The following TPST2 variants were observed in gnomAD, a reference collection of about 807,000 sequenced individuals.
TPST2 encodes protein-tyrosine sulfotransferase 2.
In TPST2, 16 loss-of-function variants were observed where a neutral mutation model predicts 27.8. The ratio of observed to expected loss-of-function variants is 0.58; its 90% CI spans 0.39 to 0.88. TPST2 has a LOEUF of 0.88. Ranked by LOEUF, TPST2 falls within the 40% of genes least tolerant of loss-of-function variation. The pLI is 0.00. For missense variants in TPST2, 464 were observed against 543.1 expected (o/e 0.85, Z 1.45); for synonymous variants, 229 against 231.7 (o/e 0.99, Z 0.10).
At chr22:26,579,154 C>T (rs1268785937) in intron 1 of TPST2, among the ~76,000 whole-genome samples, 1 of 152,172 alleles carries the variant, frequency 6.6e-6, no homozygotes, top group Non-Finnish European at 1.5e-5. Flanking sequence ...CTGTGCCCAG[C>T]CTGGAGGCAA....
chr22:26,541,475 C>T lies in TPST2; in HGVS notation c.156G>A (p.Leu52=), dbSNP rs1039574174. 6.2e-7 allele frequency: 1 copy of T among 1,611,012 alleles called. No individual in the cohort carries two copies. The highest frequency in any genetic ancestry group is 8.5e-7 in the Non-Finnish European group (1 of 1,178,460). ...RGAMRPEQEE[L]VMVGTNHVEY... is the part of the protein sequence containing the mutation. ...CCACGTGGTTGGTGCCCACCATCAC[C>T]AGCTCCTCCTGCTCAGGCCGCATGG... Residue 52 remains leucine (L), a synonymous_variant, in exon 3 of 7, where the codon CTG becomes CTA. Transcript: ENST00000338754. The surrounding 1 kb of genome is among the most constrained non-coding windows in gnomAD (Gnocchi z 5.9).
intron 1 of TPST2, among the ~76,000 whole-genome samples, chr22:26,575,240 C>T (rs918112651): frequency 3.9e-5 from 6 of 152,180 alleles, no homozygotes; most frequent in African/African-American, 1.4e-4. Flanking sequence ...GAGTACCTGA[C>T]ACACACTAGG....
intron 1 of TPST2, among the ~76,000 whole-genome samples, chr22:26,556,540 C>T (rs957411037): frequency 4.6e-5 from 7 of 151,222 alleles, no homozygotes; most frequent in Non-Finnish European, 1.0e-4. Context: ...AACTCCATCT[C>T]AAAAAAAAAG....
chr22:26,531,153 C>A (rs984608615), intron 5 of TPST2, among the ~76,000 whole-genome samples: 1 of 152,200 alleles, frequency 6.6e-6, no homozygotes, highest in African/African-American at 2.4e-5. Context: ...CATACCCCCA[C>A]GCTCAGGAGG....
At chr22:26,548,016 A>G (rs1316281665) in intron 1 of TPST2, among the ~76,000 whole-genome samples, 1 of 152,210 alleles carries the variant, frequency 6.6e-6, no homozygotes, top group East Asian at 1.9e-4. Context: ...TGCACCAGCT[A>G]CTGGCTGAAG....
intron 5 of TPST2, among the ~76,000 whole-genome samples, chr22:26,531,371 T>C (rs531124090): frequency 6.6e-6 from 1 of 152,156 alleles, no homozygotes; most frequent in East Asian, 1.9e-4. Flanking sequence ...GATAGGAAAA[T>C]ATTAAGAAAG....
intron 1 of TPST2, among the ~76,000 whole-genome samples, chr22:26,569,471 T>G (rs1486878363): frequency 1.3e-5 from 2 of 152,182 alleles, no homozygotes; most frequent in Non-Finnish European, 2.9e-5. Context: ...TGTATACACG[T>G]TAGACTTGAA....
intron 4 of TPST2, 74 bp downstream of exon 4, chr22:26,536,214 G>T: frequency 6.6e-7 from 1 of 1,522,194 alleles, no homozygotes. Flanking sequence ...TTCCTCAGGT[G>T]GCTGGAGTTT....
rs1569193883 is a variant in TPST2 at position 26,570,021 on chromosome 22, AAGAAAGAAAGAAAGAAAGAAAGAC to A, written c.-161+20008_-161+20031del. On this transcript the variant is annotated intron_variant, in intron 1 of 6. Transcript: ENST00000338754. ...AAAGAAAGAAAGAAAGAAAGAAAGA[AAGAAAGAAAGAAAGAAAGAAAGAC>A]AGAAAGAAAGAAAGAAAGAAGGAAA... is the stretch of plus-strand genomic sequence containing the variant. 1.7e-3 allele frequency among the ~76,000 whole-genome samples: 157 copies of A among 91,392 alleles called. 2 individuals carry two copies. Among genetic ancestry groups the A allele is most frequent in the African/African-American group, 5.8e-3 (138 of 23,994 alleles). The allele number at this position is 91,392 out of a possible 152,430, so 60.0% of individuals were successfully genotyped here. A position where few individuals can be genotyped will look rare whatever the true frequency, so the allele number is the denominator to read the frequency against.
intron 1 of TPST2, among the ~76,000 whole-genome samples, chr22:26,586,192 C>T (rs549377570): frequency 2.0e-5 from 3 of 152,032 alleles, no homozygotes; most frequent in Non-Finnish European, 4.4e-5. Context: ...GCCTAGGGAG[C>T]CTTCCCACCC....
intron 1 of TPST2, among the ~76,000 whole-genome samples, chr22:26,552,020 G>A (rs1414933313): frequency 6.6e-6 from 1 of 150,652 alleles, no homozygotes; most frequent in Admixed American, 6.7e-5. Flanking sequence ...CTCCCAAGTA[G>A]CTAGTGCACC....
intron 1 of TPST2, among the ~76,000 whole-genome samples, chr22:26,588,935 G>T (rs1010110509): frequency 1.3e-5 from 2 of 152,194 alleles, no homozygotes; most frequent in African/African-American, 4.8e-5. Flanking sequence ...TGGGAAGTGA[G>T]AAAAAGGGCT....
At chr22:26,540,689 C>CA (rs1879966659) in intron 3 of TPST2, 100 bp downstream of exon 3, 2 of 1,188,884 alleles carry the variant, frequency 1.7e-6, no homozygotes, top group African/African-American at 3.1e-5. Context: ...GTGACTTGCC[C>CA]AAGGCCACAC....
At chr22:26,536,599 A>G (rs1306108461) in intron 3 of TPST2, 113 bp from the exon 4 acceptor site, 10 of 1,017,828 alleles carry the variant, frequency 9.8e-6, no homozygotes, top group Non-Finnish European at 1.2e-5. Context: ...CCTGGCCTCC[A>G]CCCAGCTCTG....
At chr22:26,561,134 A>G (rs1927068485) in intron 1 of TPST2, 1 of 1,607,054 alleles carries the variant, frequency 6.2e-7, no homozygotes, top group East Asian at 2.2e-5. Flanking sequence ...AAGATGAAGA[A>G]GATGAAGATG....
chr22:26,542,175 G>A (rs1253510622), intron 2 of TPST2, among the ~76,000 whole-genome samples: 2 of 150,900 alleles, frequency 1.3e-5, no homozygotes, highest in African/African-American at 4.9e-5. Flanking sequence ...CTGGGAGGCA[G>A]AGCTTGCAGT....
At chr22:26,533,679 T>C (rs1021341945) in intron 4 of TPST2, among the ~76,000 whole-genome samples, 1 of 152,120 alleles carries the variant, frequency 6.6e-6, no homozygotes, top group African/African-American at 2.4e-5. Flanking sequence ...GCTAATTTTT[T>C]TTTTTTTCTA....
chr22:26,552,933 G>T (rs930578365), intron 1 of TPST2, among the ~76,000 whole-genome samples: 5 of 151,912 alleles, frequency 3.3e-5, no homozygotes, highest in Admixed American at 6.6e-5. Flanking sequence ...GGTGGCGGGC[G>T]CCTGTAGTCC....
intron 1 of TPST2, among the ~76,000 whole-genome samples, chr22:26,549,656 C>CAAAAAAAAAAAAA (rs71192939): frequency 4.6e-4 from 27 of 58,616 alleles, no homozygotes; most frequent in Non-Finnish European, 6.3e-4. Context: ...GACTCCGTCT[C>CAAAAAAAAAAAAA]AAAAAAAAAA....
Sources: allele counts gnomAD v4.1 joint callset (sites outside exome capture counted in the v4.1 genomes callset), GRCh38; gene constraint gnomAD v4.1.1; non-coding constraint Gnocchi (gnomAD v3.1); transcripts MANE v1.5; gene names NCBI Gene and HGNC (gene_info 2026-07-23, HGNC 2026-07-21).